Variants in DLG1 observed in about 807,000 individuals in gnomAD.
DLG1 encodes disks large homolog 1.
A neutral mutation model predicts 123.4 loss-of-function variants in DLG1; 42 were observed. The observed-to-expected ratio is 0.34, with a 90% CI of 0.27 to 0.44. The LOEUF (loss-of-function observed/expected upper bound fraction) is 0.44. DLG1 is among the 20% of genes least tolerant of loss of function. DLG1 has a pLI of 1.00. For missense variants in DLG1, 942 were observed against 1,082.6 expected (o/e 0.87, Z 1.82); for synonymous variants, 317 against 356.2 (o/e 0.89, Z 1.24).
chr3:197,198,619 A>C (rs763640305), intron 4 of DLG1, among the ~76,000 whole-genome samples: 8 of 152,204 alleles, frequency 5.3e-5, no homozygotes, highest in Non-Finnish European at 1.0e-4. Flanking sequence ...AATGGGCAAA[A>C]GATTTAAACA....
intron 11 of DLG1, among the ~76,000 whole-genome samples, chr3:197,125,323 T>A (rs1446273594): frequency 6.6e-6 from 1 of 152,150 alleles, no homozygotes; most frequent in Non-Finnish European, 1.5e-5. Context: ...AGCAGAATTT[T>A]GTGCTTTTCT....
Position 197,282,683 on chromosome 3 carries a change from A to G in DLG1, c.314T>C (p.Val105Ala). Reference protein sequence around the residue: ...ETLPSSLSPSVEKYRYQDEDT... With the variant: ...ETLPSSLSPSAEKYRYQDEDT... ...AGAACACATTTTTTATCTCACCTCT[A>G]CACTAGGGCTAAGGCTGCTTGGCAG... is the stretch of plus-strand genomic sequence containing the variant. The change falls in exon 4 of 25, where the codon GTA (valine) becomes GCA (alanine). Residue 105 changes from valine to alanine, a missense_variant. Physicochemically the swap from Val to Ala is moderately conservative, Grantham distance 64. Coordinates refer to ENST00000667157, the MANE Select transcript of DLG1 (RefSeq NM_001366207.1). 4 of 1,583,506 alleles carry G rather than the reference A, an allele frequency of 2.5e-6. No homozygotes were observed. The highest frequency in any genetic ancestry group is 3.4e-6 in the Non-Finnish European group (4 of 1,169,704).
intron 10 of DLG1, among the ~76,000 whole-genome samples, chr3:197,134,845 G>A (rs1255375071): frequency 2.0e-5 from 3 of 152,216 alleles, no homozygotes; most frequent in Admixed American, 6.5e-5. Context: ...TAGAAACTGC[G>A]CCCAGGGGAG....
chr3:197,157,146 T>C (rs1796743246), intron 5 of DLG1, among the ~76,000 whole-genome samples: 1 of 152,200 alleles, frequency 6.6e-6, no homozygotes, highest in Non-Finnish European at 1.5e-5. Context: ...GTACTCAACA[T>C]GACCACTAGC....
intron 24 of DLG1, 29 bp downstream of exon 24, chr3:197,051,548 A>G: frequency 1.3e-6 from 2 of 1,586,148 alleles, no homozygotes; most frequent in South Asian, 1.1e-5. Context: ...ATTCTATCTT[A>G]AAGAGGACTG....
At chr3:197,105,366 A>C (rs1765774422) in intron 13 of DLG1, among the ~76,000 whole-genome samples, 1 of 152,176 alleles carries the variant, frequency 6.6e-6, no homozygotes, top group Non-Finnish European at 1.5e-5. Context: ...AATGGGAGGG[A>C]AAGTCATTTT....
intron 18 of DLG1, chr3:197,070,090 T>C (rs1742566039): frequency 1.3e-5 from 2 of 152,258 alleles, no homozygotes; most frequent in East Asian, 1.9e-4. Context: ...GGTAAAACCA[T>C]AGGCACTCTT....
chr3:197,061,580 A>T (rs950567080), intron 22 of DLG1, among the ~76,000 whole-genome samples: 2 of 67,298 alleles, frequency 3.0e-5, no homozygotes, highest in African/African-American at 1.2e-4. Flanking sequence ...AATCTGACAC[A>T]GTTCCTCAGT....
intron 10 of DLG1, among the ~76,000 whole-genome samples, chr3:197,132,211 A>G (rs182730308): frequency 1.4e-5 from 2 of 146,492 alleles, no homozygotes; most frequent in African/African-American, 5.0e-5. Context: ...TCTATTACCT[A>G]TTTCATTAAT....
chr3:197,109,977 C>T (rs1297218914), intron 13 of DLG1, among the ~76,000 whole-genome samples: 1 of 152,018 alleles, frequency 6.6e-6, no homozygotes, highest in Non-Finnish European at 1.5e-5. Context: ...TTGTAGATCT[C>T]TTTAAATTAA....
intron 5 of DLG1, among the ~76,000 whole-genome samples, chr3:197,170,511 G>A (rs1364021554): frequency 6.6e-6 from 1 of 152,056 alleles, no homozygotes; most frequent in Non-Finnish European, 1.5e-5. Flanking sequence ...GATCAGTGAC[G>A]CTAAGCTCTT....
At chr3:197,243,628 C>T (rs1297103435) in intron 4 of DLG1, among the ~76,000 whole-genome samples, 1 of 152,012 alleles carries the variant, frequency 6.6e-6, no homozygotes, top group African/African-American at 2.4e-5. Context: ...TAATATCATA[C>T]CTAGCGCCAT....
intron 3 of DLG1, among the ~76,000 whole-genome samples, chr3:197,285,728 A>T (rs567579051): frequency 6.6e-6 from 1 of 152,224 alleles, no homozygotes; most frequent in Non-Finnish European, 1.5e-5. Context: ...CCAAAGCACC[A>T]ACACTACCAA....
chr3:197,056,778 C>A (rs893153670), intron 23 of DLG1, among the ~76,000 whole-genome samples: 3 of 152,192 alleles, frequency 2.0e-5, no homozygotes, highest in African/African-American at 7.2e-5. Context: ...AGACACAGAG[C>A]ATGACTAGGA....
At chr3:197,157,087 T>C (rs1796730135) in intron 5 of DLG1, among the ~76,000 whole-genome samples, 1 of 152,202 alleles carries the variant, frequency 6.6e-6, no homozygotes, top group Non-Finnish European at 1.5e-5. Flanking sequence ...GACTGAAAGC[T>C]TTTCCTCTAA....
At chr3:197,280,671 C>T (rs148847430) in intron 4 of DLG1, among the ~76,000 whole-genome samples, 5 of 152,074 alleles carry the variant, frequency 3.3e-5, no homozygotes, top group East Asian at 1.9e-4. Context: ...ATAAGTAAAT[C>T]GAGTATAAGA....
chr3:197,048,986 T>C (rs1264067146), intron 24 of DLG1, among the ~76,000 whole-genome samples: 2 of 152,144 alleles, frequency 1.3e-5, no homozygotes, highest in Non-Finnish European at 2.9e-5. Flanking sequence ...TGAGTTATTA[T>C]ATGATCTAGC....
chr3:197,073,297 G>C (rs1745219639), intron 18 of DLG1, among the ~76,000 whole-genome samples: 1 of 152,164 alleles, frequency 6.6e-6, no homozygotes, highest in Admixed American at 6.5e-5. Context: ...TTGAGGTGTT[G>C]TACAACATGG....
At chr3:197,081,647 ATG>A (rs201049386) in intron 16 of DLG1, among the ~76,000 whole-genome samples, 4 of 151,776 alleles carry the variant, frequency 2.6e-5, no homozygotes, top group South Asian at 2.1e-4. Flanking sequence ...TTAATGATAT[ATG>A]TGTGTGTGTG....
Sources: allele counts gnomAD v4.1 joint callset (sites outside exome capture counted in the v4.1 genomes callset), GRCh38; gene constraint gnomAD v4.1.1; transcripts MANE v1.5; gene names NCBI Gene and HGNC (gene_info 2026-07-23, HGNC 2026-07-21).